Variants in LARS2 observed in about 807,000 individuals in gnomAD.
The protein encoded by LARS2 is leucyl-tRNA synthetase 2, mitochondrial, also known as leucine--tRNA ligase, mitochondrial.
In LARS2, 81 loss-of-function variants were observed where a neutral mutation model predicts 116.6. The ratio of observed to expected loss-of-function variants is 0.69; its 90% CI spans 0.58 to 0.84. The LOEUF is 0.84. Among genes scored for constraint, LARS2 ranks in the 40% least tolerant of loss-of-function variants. LARS2 has a pLI of 0.00. For missense variants in LARS2, 968 were observed against 1,114.5 expected, an observed-to-expected ratio of 0.87 and a Z score of 1.87; for synonymous variants, 396 against 407.2, an observed-to-expected ratio of 0.97 and a Z score of 0.33.
intron 4 of LARS2, among the ~76,000 whole-genome samples, chr3:45,414,384 A>G (rs1169797827): frequency 3.9e-5 from 6 of 152,180 alleles, no homozygotes; most frequent in South Asian, 2.1e-4. Context: ...ATTTTCTTCT[A>G]TTTTTCTCTA....
intron 9 of LARS2, 72 bp from the exon 10 acceptor site, chr3:45,476,396 G>A (rs1699609433): frequency 6.7e-7 from 1 of 1,494,276 alleles, no homozygotes; most frequent in African/African-American, 1.4e-5. Flanking sequence ...AGGGGAAGGG[G>A]ATACAGTTAG....
chr3:45,526,504 G>T (rs576198161), intron 20 of LARS2, among the ~76,000 whole-genome samples: 2 of 152,288 alleles, frequency 1.3e-5, no homozygotes, highest in East Asian at 3.9e-4. Context: ...GCATCTTGGT[G>T]CTTGATCAAA....
At chr3:45,401,525 G>A (rs1698149361) in intron 4 of LARS2, among the ~76,000 whole-genome samples, 1 of 151,992 alleles carries the variant, frequency 6.6e-6, no homozygotes, top group Non-Finnish European at 1.5e-5. Context: ...ATCTGATATG[G>A]GCCTTGAAGA....
chr3:45,517,792 G>A (rs963611644), intron 17 of LARS2, 111 bp from the exon 18 acceptor site: 2 of 788,098 alleles, frequency 2.5e-6, no homozygotes, highest in Admixed American at 2.6e-5. Context: ...CCATCAGGGT[G>A]CAGTGAAGTG....
At chr3:45,476,860 T>A (rs188665869) in intron 10 of LARS2, among the ~76,000 whole-genome samples, 93 of 152,362 alleles carry the variant, frequency 6.1e-4, no homozygotes, top group African/African-American at 2.2e-3. Flanking sequence ...CTTGAGCTTC[T>A]GATTGAAAGC....
chr3:45,536,783 G>A (rs552477111), intron 20 of LARS2, among the ~76,000 whole-genome samples: 2 of 152,344 alleles, frequency 1.3e-5, no homozygotes, highest in South Asian at 2.1e-4. Flanking sequence ...CTGTCACTCA[G>A]TTGCTTCCCA....
intron 12 of LARS2, among the ~76,000 whole-genome samples, chr3:45,490,568 G>A (rs919168808): frequency 2.0e-5 from 3 of 152,236 alleles, no homozygotes; most frequent in African/African-American, 7.2e-5. Flanking sequence ...CTGTGATAAT[G>A]GGAGTGCAGA....
At chr3:45,503,992 TG>T (rs1700162092) in intron 15 of LARS2, among the ~76,000 whole-genome samples, 1 of 152,106 alleles carries the variant, frequency 6.6e-6, no homozygotes, top group African/African-American at 2.4e-5. Flanking sequence ...TTTTAAATGT[TG>T]CTTATATTGC....
chr3:45,516,037 C>A, intron 16 of LARS2, 57 bp from the exon 17 acceptor site: 1 of 1,406,758 alleles, frequency 7.1e-7, no homozygotes, highest in African/African-American at 1.4e-5. Flanking sequence ...GATGCTATTT[C>A]TATAGAAGCA....
intron 5 of LARS2, among the ~76,000 whole-genome samples, chr3:45,418,605 A>C (rs1162256585): frequency 6.6e-6 from 1 of 152,184 alleles, no homozygotes; most frequent in Non-Finnish European, 1.5e-5. Flanking sequence ...GTTTTATTGG[A>C]ACACAGTCAA....
At chr3:45,530,788 CAG>C (rs763504361) in intron 20 of LARS2, among the ~76,000 whole-genome samples, 3 of 152,182 alleles carry the variant, frequency 2.0e-5, no homozygotes, top group Non-Finnish European at 4.4e-5. Flanking sequence ...TGCATTTTTA[CAG>C]ACAGTTTTAA....
At chr3:45,463,381 A>C (rs1443862522) in intron 8 of LARS2, among the ~76,000 whole-genome samples, 6 of 152,106 alleles carry the variant, frequency 3.9e-5, no homozygotes, top group African/African-American at 1.2e-4. Flanking sequence ...CCCCATACCA[A>C]ATTGGTGGTT....
At chr3:45,522,265 C>T (rs372705520) in intron 19 of LARS2, among the ~76,000 whole-genome samples, 2 of 152,274 alleles carry the variant, frequency 1.3e-5, no homozygotes, top group African/African-American at 4.8e-5. Flanking sequence ...GGAGTGTTCA[C>T]TGCAGATAAT....
At chr3:45,471,040 TAAAAAAAAAAAAA>T (rs55749404) in intron 8 of LARS2, among the ~76,000 whole-genome samples, 1 of 43,816 alleles carries the variant, frequency 2.3e-5, no homozygotes, top group East Asian at 1.0e-3. Context: ...ATTACAACAC[TAAAAAAAAAAAAA>T]AAAAAAAAAA....
intron 6 of LARS2, among the ~76,000 whole-genome samples, chr3:45,442,423 A>G (rs1162377515): frequency 6.6e-6 from 1 of 152,256 alleles, no homozygotes; most frequent in African/African-American, 2.4e-5. Flanking sequence ...TTGTATCAAG[A>G]AAAACTGTAT....
Position 45,427,885 on chromosome 3 carries a change from G to A in LARS2, c.516+8156G>A, listed in dbSNP as rs187208713. On this transcript the variant is annotated intron_variant, in intron 6 of 21. Coordinates refer to ENST00000645846, the MANE Select transcript of LARS2 (RefSeq NM_015340.4). ...TGCTCAGGCTGGAGTACAATGGCAC[G>A]ATCTTGGCTCACTGCAACCTCTGCC... Among the ~76,000 whole-genome samples the A allele has an allele frequency of 8.7e-5, 13 of 149,300 alleles. No homozygotes were observed. In the East Asian group the frequency reaches 1.8e-3, roughly 20 times the overall value.
chr3:45,408,179 A>G (rs997777183), intron 4 of LARS2, among the ~76,000 whole-genome samples: 2 of 151,852 alleles, frequency 1.3e-5, no homozygotes, highest in Non-Finnish European at 1.5e-5. Flanking sequence ...TCTTTCTTCT[A>G]CTTCTTTTAG....
chr3:45,534,988 G>T lies in LARS2; in HGVS notation c.2405-6841G>T, dbSNP rs188625032. Among the ~76,000 whole-genome samples the T allele has an allele frequency of 2.6e-3, 402 of 152,254 alleles. 4 individuals carry two copies. The highest frequency in any genetic ancestry group is 9.4e-3 in the African/African-American group (390 of 41,532). The stretch of plus-strand genomic sequence containing the variant: ...AGCTGCTTGCCTAGGGAAATTTTGA[G>T]TATTTGGAGCCACTGACACTGTTTC... On this transcript the variant is annotated intron_variant, in intron 20 of 21. Coordinates refer to ENST00000645846, the MANE Select transcript of LARS2 (RefSeq NM_015340.4).
At chr3:45,429,602 A>G (rs1325387574) in intron 6 of LARS2, among the ~76,000 whole-genome samples, 2 of 152,096 alleles carry the variant, frequency 1.3e-5, no homozygotes, top group East Asian at 1.9e-4. Flanking sequence ...TACATCTGCA[A>G]AATTCCTTTT....
Sources: allele counts gnomAD v4.1 joint callset (sites outside exome capture counted in the v4.1 genomes callset), GRCh38; gene constraint gnomAD v4.1.1; transcripts MANE v1.5; gene names NCBI Gene and HGNC (gene_info 2026-07-23, HGNC 2026-07-21).